The following RNU6-9 variants were observed in gnomAD, a reference collection of about 807,000 sequenced individuals.
RNU6-9 encodes the protein RNA, U6 small nuclear 9.
At chr19:893,546 C>A (rs868684984) in exon 1 of RNU6-9, 17 of 152,036 alleles carry the variant, frequency 1.1e-4, no homozygotes, top group Admixed American at 5.9e-4. Flanking sequence ...AGCATGGCCC[C>A]TGCGCAAGGA....
chr19:893,491 C>T (rs752718389), exon 1 of RNU6-9: 10 of 152,276 alleles, frequency 6.6e-5, no homozygotes, highest in Admixed American at 1.3e-4. Context: ...TTCGTGCTCG[C>T]TTCGGCAGCA....
At chr19:893,582 C>G (rs1050918103) in exon 1 of RNU6-9, 1 of 117,072 alleles carries the variant, frequency 8.5e-6, no homozygotes, top group African/African-American at 3.1e-5. Flanking sequence ...TGAAGCGTTC[C>G]ATATTTTTTT....
At chr19:893,506 T>C (rs887761630) in exon 1 of RNU6-9, 3 of 152,174 alleles carry the variant, frequency 2.0e-5, no homozygotes, top group African/African-American at 4.8e-5. Context: ...GCAGCACATA[T>C]ACTAAAATTG....
exon 1 of RNU6-9, chr19:893,506 T>G (rs887761630): frequency 1.3e-5 from 2 of 152,174 alleles, no homozygotes; most frequent in Non-Finnish European, 2.9e-5. Flanking sequence ...GCAGCACATA[T>G]ACTAAAATTG....
chr19:893,522 A>T (rs1045060542), exon 1 of RNU6-9: 1 of 152,074 alleles, frequency 6.6e-6, no homozygotes, highest in Admixed American at 6.5e-5. Flanking sequence ...AATTGGAACG[A>T]TACAGAGAAG....
exon 1 of RNU6-9, chr19:893,583 A>ATTT (rs1491157921): frequency 8.8e-6 from 1 of 113,424 alleles, no homozygotes; most frequent in African/African-American, 3.2e-5. Context: ...GAAGCGTTCC[A>ATTT]TATTTTTTTT....
exon 1 of RNU6-9, chr19:893,590 T>G (rs946315300): frequency 3.3e-5 from 5 of 151,428 alleles, no homozygotes; most frequent in Non-Finnish European, 7.4e-5. Context: ...TCCATATTTT[T>G]TTTTTTTTTT....
At chr19:893,584 T>G (rs942423196) in exon 1 of RNU6-9, 1 of 112,306 alleles carries the variant, frequency 8.9e-6, no homozygotes, top group South Asian at 2.6e-4. Flanking sequence ...AAGCGTTCCA[T>G]ATTTTTTTTT....
chr19:893,530 AAGATT>A, exon 1 of RNU6-9: 1 of 152,094 alleles, frequency 6.6e-6, no homozygotes, highest in Non-Finnish European at 1.5e-5. Flanking sequence ...CGATACAGAG[AAGATT>A]AGCATGGCCC....
rs78469799 is a variant in RNU6-9 at position 893,586 on chromosome 19, T to G, written n.103T>G. ...ACGCAAATTCGTGAAGCGTTCCATA[T>G]TTTTTTTTTTTTTTCCATTTTCCCT... On this transcript the variant is annotated non_coding_transcript_exon_variant, in exon 1 of 1. Coordinates refer to ENST00000384776, the Ensembl canonical transcript of RNU6-9. 7 of 40,602 alleles carry G rather than the reference T, an allele frequency of 1.7e-4. No homozygotes were observed. In the South Asian group the frequency reaches 4.2e-3, roughly 25 times the overall value. The allele number at this position is 40,602 out of a possible 1,614,324, so 2.5% of individuals were successfully genotyped here. A position where few individuals can be genotyped will look rare whatever the true frequency, so the allele number is the denominator to read the frequency against.
exon 1 of RNU6-9, chr19:893,532 G>GT (rs2036689749): frequency 1.3e-5 from 2 of 151,918 alleles, no homozygotes; most frequent in African/African-American, 2.4e-5. Context: ...ATACAGAGAA[G>GT]ATTAGCATGG....
chr19:893,573 G>C (rs1464501427), exon 1 of RNU6-9: 1 of 143,576 alleles, frequency 7.0e-6, no homozygotes, highest in Non-Finnish European at 1.5e-5. Flanking sequence ...GCAAATTCGT[G>C]AAGCGTTCCA....
exon 1 of RNU6-9, chr19:893,562 C>G (rs1253893367): frequency 1.3e-5 from 2 of 150,858 alleles, no homozygotes; most frequent in African/African-American, 2.4e-5. Flanking sequence ...AAGGATGACA[C>G]GCAAATTCGT....
exon 1 of RNU6-9, chr19:893,539 A>ATGG (rs1568336462): frequency 6.6e-6 from 1 of 151,730 alleles, no homozygotes; most frequent in East Asian, 1.9e-4. Context: ...GAAGATTAGC[A>ATGG]TGGCCCCTGC....
At chr19:893,508 C>T (rs1435544757) in exon 1 of RNU6-9, 9 of 152,102 alleles carry the variant, frequency 5.9e-5, no homozygotes, top group Admixed American at 1.3e-4. Context: ...AGCACATATA[C>T]TAAAATTGGA....
rs948074962 is a variant in RNU6-9 at position 893,520 on chromosome 19, C to G, written n.37C>G. On this transcript the variant is annotated non_coding_transcript_exon_variant, in exon 1 of 1. Coordinates refer to ENST00000384776, the Ensembl canonical transcript of RNU6-9. ...GGCAGCACATATACTAAAATTGGAA[C>G]GATACAGAGAAGATTAGCATGGCCC... is the stretch of plus-strand genomic sequence containing the variant. 3 of 152,040 alleles carry G rather than the reference C, an allele frequency of 2.0e-5. No homozygotes were observed. The East Asian group carries it at 5.8e-4, about 29-fold the overall frequency. The allele number at this position is 152,040 out of a possible 1,614,324, so 9.4% of individuals were successfully genotyped here. A position where few individuals can be genotyped will look rare whatever the true frequency, so the allele number is the denominator to read the frequency against.
chr19:893,571 G>C (rs1599351550), exon 1 of RNU6-9: 1 of 145,914 alleles, frequency 6.9e-6, no homozygotes, highest in Non-Finnish European at 1.5e-5. Context: ...ACGCAAATTC[G>C]TGAAGCGTTC....
At chr19:893,580 T>G (rs1483399099) in exon 1 of RNU6-9, 1 of 120,850 alleles carries the variant, frequency 8.3e-6, no homozygotes, top group African/African-American at 3.0e-5. Flanking sequence ...CGTGAAGCGT[T>G]CCATATTTTT....
exon 1 of RNU6-9, chr19:893,541 G>GA (rs2036691169): frequency 6.6e-6 from 1 of 151,932 alleles, no homozygotes; most frequent in Non-Finnish European, 1.5e-5. Context: ...AGATTAGCAT[G>GA]GCCCCTGCGC....
Sources: allele counts gnomAD v4.1 joint callset, GRCh38; gene constraint gnomAD v4.1.1; transcripts MANE v1.5; gene names NCBI Gene and HGNC (gene_info 2026-07-23, HGNC 2026-07-21).